Variants in HLA-DQB1 observed in about 807,000 individuals in gnomAD.
HLA-DQB1 encodes major histocompatibility complex, class II, DQ beta 1.
In HLA-DQB1, 13 loss-of-function variants were observed where a neutral mutation model predicts 26.4. The ratio of observed to expected loss-of-function variants is 0.49; its 90% CI spans 0.32 to 0.78. The LOEUF (loss-of-function observed/expected upper bound fraction) is 0.78, where lower values mean the gene tolerates loss of function less well. Ranked by LOEUF, HLA-DQB1 falls within the 30% of genes least tolerant of loss-of-function variation. The pLI is 0.03. For synonymous variants in HLA-DQB1, 60 were observed against 129.1 expected, an observed-to-expected ratio of 0.46 and a Z score of 3.63; for missense variants, 158 against 326.2, an observed-to-expected ratio of 0.48 and a Z score of 3.97.
At chr6:32,661,490 C>A in intron 3 of HLA-DQB1, 33 bp from the exon 4 acceptor site, 1 of 1,076,484 alleles carries the variant, frequency 9.3e-7, no homozygotes, top group Non-Finnish European at 1.3e-6. Flanking sequence ...TGTGTTTGTC[C>A]CCACACCCCA....
intron 1 of HLA-DQB1, 33 bp from the exon 2 acceptor site, chr6:32,665,100 C>T: frequency 9.0e-7 from 1 of 1,115,266 alleles, no homozygotes; most frequent in Non-Finnish European, 1.2e-6. Flanking sequence ...CAGTCAGGCC[C>T]CAGCCCGGCC....
exon 4 of HLA-DQB1, chr6:32,661,418 C>T (rs774564772): frequency 9.9e-6 from 12 of 1,215,584 alleles, no homozygotes; most frequent in Middle Eastern, 2.4e-4. Flanking sequence ...GCCTCCAACG[C>T]CACTCAGCAT....
rs281862606 is a variant in HLA-DQB1 at position 32,664,130 on chromosome 6, T to C, written c.379+668A>G. ...AGCTGAGTACATTTATTCATGAATTTAACAGAAGATCATTGAGCTCACACC... is the reference window on the plus strand; with the variant it reads ...AGCTGAGTACATTTATTCATGAATTCAACAGAAGATCATTGAGCTCACACC... On this transcript the variant is annotated intron_variant, in intron 2 of 4. Coordinates refer to ENST00000434651, the Ensembl canonical transcript of HLA-DQB1. 2 of 97,616 alleles carry C rather than the reference T, an allele frequency of 2.0e-5. 1 individual carries two copies. Among genetic ancestry groups the C allele is most frequent in the African/African-American group, 7.0e-5 (2 of 28,460 alleles). 6.0% of individuals were successfully genotyped at this position (97,616 alleles called of 1,614,324 possible).
chr6:32,661,858 T>G (rs281864214), intron 3 of HLA-DQB1, 109 bp downstream of exon 3: 1 of 912,724 alleles, frequency 1.1e-6, no homozygotes, highest in South Asian at 1.7e-5. Context: ...TAGTCTCCTG[T>G]GATTCCCAGC....
At chr6:32,666,458 C>G (rs281860881) in intron 1 of HLA-DQB1, 41 bp downstream of exon 1, 4 of 745,608 alleles carry the variant, frequency 5.4e-6, no homozygotes, top group Non-Finnish European at 8.9e-6. Context: ...AGAGCCTGTT[C>G]CCAGAGTGGC....
intron 1 of HLA-DQB1, 144 bp from the exon 2 acceptor site, chr6:32,665,211 C>G (rs281861932): frequency 4.2e-6 from 2 of 478,836 alleles, no homozygotes; most frequent in Non-Finnish European, 6.9e-6. Context: ...ACCTGGGATC[C>G]TCCCGGCGGC....
chr6:32,661,936 C>G (rs281864149), intron 3 of HLA-DQB1, 31 bp downstream of exon 3: 1 of 1,417,218 alleles, frequency 7.1e-7, no homozygotes. Context: ...TCTTGTGGGC[C>G]CATAGTAACA....
At chr6:32,666,654 T>C in exon 1 of HLA-DQB1, 1 of 711,238 alleles carries the variant, frequency 1.4e-6, no homozygotes. Context: ...AGCTCGGACC[T>C]GATGGATCTG....
chr6:32,660,833 A>C (rs281864393), intron 4 of HLA-DQB1: 4 of 1,355,608 alleles, frequency 3.0e-6, no homozygotes, highest in Non-Finnish European at 4.1e-6. Context: ...GTGCCTCCCC[A>C]CACTGGATCA....
chr6:32,661,096 C>T (rs9273549), intron 4 of HLA-DQB1, among the ~76,000 whole-genome samples: 28,019 of 134,998 alleles, frequency 0.21, 4,274 homozygotes, highest in Non-Finnish European at 0.23. Context: ...ATGGAGGAAG[C>T]TTTTGGAAAG....
At chr6:32,659,877 G>A (rs117067420) in exon 5 of HLA-DQB1, 2,931 of 168,382 alleles carry the variant, frequency 0.017, 230 homozygotes, top group South Asian at 0.17. Context: ...AGAAAGTTCA[G>A]AATACAGATA....
chr6:32,663,406 T>TGATTGA (rs1783404912), intron 2 of HLA-DQB1: 8 of 54,430 alleles, frequency 1.5e-4, no homozygotes, highest in East Asian at 1.0e-3. Context: ...ATCATGAATT[T>TGATTGA]TCAATGCCGC....
chr6:32,665,013 C>G, exon 2 of HLA-DQB1: 1 of 1,387,006 alleles, frequency 7.2e-7, no homozygotes, highest in Non-Finnish European at 1.0e-6. Context: ...AAGACGCACG[C>G]GCTCCGTCCC....
intron 3 of HLA-DQB1, 121 bp downstream of exon 3, chr6:32,661,846 T>G (rs9273862): frequency 7.4e-6 from 6 of 813,832 alleles, no homozygotes; most frequent in African/African-American, 1.7e-5. Context: ...CAAGAGGTGC[T>G]CTAGTCTCCT....
chr6:32,665,712 T>C (rs9274464), intron 1 of HLA-DQB1, among the ~76,000 whole-genome samples: 90,753 of 122,936 alleles, frequency 0.74, 34,346 homozygotes, highest in East Asian at 0.9. Context: ...CAGTCACCAG[T>C]TTGGGCAGGT....
chr6:32,660,538 C>T (rs117531835), intron 4 of HLA-DQB1: 10,515 of 344,858 alleles, frequency 0.03, 1,666 homozygotes, highest in East Asian at 0.21. Flanking sequence ...CGACCACTAG[C>T]AGCCTCTTTC....
exon 1 of HLA-DQB1, chr6:32,666,564 A>G (rs3189152): frequency 0.2 from 215,183 of 1,069,512 alleles, 49,797 homozygotes; most frequent in South Asian, 0.43. Flanking sequence ...GACAGTTGCT[A>G]CCCGAAGGTC....
chr6:32,665,452 G>T (rs281861723), intron 1 of HLA-DQB1, among the ~76,000 whole-genome samples: 1 of 135,588 alleles, frequency 7.4e-6, no homozygotes, highest in Non-Finnish European at 1.6e-5. Context: ...ACATAAATCT[G>T]AGAGTTCAAC....
At chr6:32,661,825 T>G in intron 3 of HLA-DQB1, 142 bp downstream of exon 3, 3 of 694,560 alleles carry the variant, frequency 4.3e-6, no homozygotes, top group Non-Finnish European at 7.3e-6. Flanking sequence ...TCTGATGCAC[T>G]TGCCATGGAG....
Sources: allele counts gnomAD v4.1 joint callset (sites outside exome capture counted in the v4.1 genomes callset), GRCh38; gene constraint gnomAD v4.1.1; transcripts MANE v1.5; gene names NCBI Gene and HGNC (gene_info 2026-07-23, HGNC 2026-07-21).